RERE: variants seen among roughly 807,000 people sequenced by gnomAD.
RERE encodes arginine-glutamic acid dipeptide repeats protein.
Under a neutral mutation model 146.1 loss-of-function variants are expected in RERE, and 40 were observed. The ratio of observed to expected loss-of-function variants is 0.27; its 90% CI spans 0.21 to 0.36. RERE has a LOEUF of 0.36. Among genes scored for constraint, RERE ranks in the 10% least tolerant of loss-of-function variants. RERE has a pLI of 1.00. For missense variants in RERE, 1,933 were observed against 2,138.7 expected (o/e 0.90, Z 1.90); for synonymous variants, 1,003 against 866.0 (o/e 1.16, Z -2.78).
chr1:8,743,554 C>T (rs1640356700), intron 1 of RERE, among the ~76,000 whole-genome samples: 1 of 151,940 alleles, frequency 6.6e-6, no homozygotes, highest in African/African-American at 2.4e-5. Flanking sequence ...AACCACCGCA[C>T]CCAGCCACAC....
At chr1:8,437,668 A>G (rs1440158102) in intron 11 of RERE, among the ~76,000 whole-genome samples, 3 of 152,174 alleles carry the variant, frequency 2.0e-5, no homozygotes, top group Non-Finnish European at 4.4e-5. Context: ...GCATGAACAC[A>G]GCTGTGTGTA....
intron 1 of RERE, chr1:8,786,627 C>T (rs1641264187): frequency 1.3e-6 from 1 of 768,576 alleles, no homozygotes; most frequent in Non-Finnish European, 2.4e-6. Flanking sequence ...CCTTTCAGAC[C>T]TCTGGGCTCA....
At chr1:8,634,330 CAA>C (rs1278388011) in intron 2 of RERE, among the ~76,000 whole-genome samples, 1 of 152,204 alleles carries the variant, frequency 6.6e-6, no homozygotes, top group African/African-American at 2.4e-5. Context: ...TTTCTCCCCA[CAA>C]AATGAAGGAT....
At chr1:8,481,086 A>C (rs1570310968) in intron 10 of RERE, among the ~76,000 whole-genome samples, 1 of 152,208 alleles carries the variant, frequency 6.6e-6, no homozygotes, top group Non-Finnish European at 1.5e-5. Context: ...GATTGGCTAA[A>C]CAGCAAATCC....
chr1:8,484,607 G>C (rs978540119), intron 10 of RERE, among the ~76,000 whole-genome samples: 4 of 152,114 alleles, frequency 2.6e-5, no homozygotes, highest in African/African-American at 4.8e-5. Flanking sequence ...AATTTTAGTA[G>C]AGATGAGGTT....
At chr1:8,376,269 G>A (rs1457508138) in intron 12 of RERE, among the ~76,000 whole-genome samples, 1 of 152,166 alleles carries the variant, frequency 6.6e-6, no homozygotes, top group Non-Finnish European at 1.5e-5. Context: ...GACCTTCGCA[G>A]TTATGGCTGA....
rs185807846 is a variant in RERE, at chr1:8,516,069, C to G, written c.831-7394G>C. Among the ~76,000 whole-genome samples the G allele has an allele frequency of 3.7e-3, 558 of 151,260 alleles. 8 individuals are homozygous for G. Among genetic ancestry groups the G allele is most frequent in the Non-Finnish European group, 6.6e-4 (45 of 67,868 alleles). On this transcript the variant is annotated intron_variant, in intron 7 of 22. Coordinates refer to ENST00000400908, the MANE Select transcript of RERE (RefSeq NM_001042681.2). Reference sequence around the variant, plus strand: ...CCACCCCTAAAAATACAAAATTAGCCAAGCGTGGTAGTGGGTGCAGTAGTG... The same window carrying G: ...CCACCCCTAAAAATACAAAATTAGCGAAGCGTGGTAGTGGGTGCAGTAGTG...
intron 1 of RERE, among the ~76,000 whole-genome samples, chr1:8,734,939 A>G (rs1640168579): frequency 6.6e-6 from 1 of 152,154 alleles, no homozygotes; most frequent in African/African-American, 2.4e-5. Flanking sequence ...CGCATCCCTC[A>G]TAGACACACC....
intron 12 of RERE, among the ~76,000 whole-genome samples, chr1:8,393,017 T>C (rs1642937923): frequency 6.6e-6 from 1 of 152,148 alleles, no homozygotes; most frequent in South Asian, 2.1e-4. Flanking sequence ...AATACCATGA[T>C]GAAGTTTATC....
intron 6 of RERE, 76 bp downstream of exon 6, chr1:8,556,399 T>C: frequency 1.2e-6 from 1 of 857,948 alleles, no homozygotes; most frequent in East Asian, 2.4e-5. Context: ...TACTAAAAGA[T>C]CAGGAGAAAT....
intron 10 of RERE, among the ~76,000 whole-genome samples, chr1:8,470,562 T>G (rs889620311): frequency 1.2e-4 from 18 of 151,994 alleles, no homozygotes; most frequent in South Asian, 4.1e-4. Context: ...CCCAAAGAGA[T>G]ATTTCTTGAA....
chr1:8,482,111 C>T (rs1014872204), intron 10 of RERE, among the ~76,000 whole-genome samples: 22 of 152,104 alleles, frequency 1.4e-4, no homozygotes, highest in Admixed American at 5.9e-4. Flanking sequence ...TATATGATGC[C>T]ATTTATATGC....
At chr1:8,793,663 C>T (rs1231006278) in intron 1 of RERE, among the ~76,000 whole-genome samples, 4 of 152,202 alleles carry the variant, frequency 2.6e-5, no homozygotes, top group Non-Finnish European at 5.9e-5. Context: ...AACCAGATAA[C>T]TCTGAGTCAG....
intron 11 of RERE, among the ~76,000 whole-genome samples, chr1:8,437,782 G>A (rs1307165053): frequency 6.6e-6 from 1 of 152,196 alleles, no homozygotes; most frequent in Non-Finnish European, 1.5e-5. Context: ...GCATGCAGAG[G>A]GGAGTTTGAG....
chr1:8,358,931 G>C lies in RERE; in HGVS notation c.3619-15C>G, dbSNP rs758547641. ...CTGGACGCCTTCTGCAGAAGGAAAA[G>C]AAAGCGTGAGGGGTCCCCCGAGCGC... On this transcript the variant is annotated splice_polypyrimidine_tract_variant and intron_variant, in intron 19 of 22. Transcript: ENST00000400908. 13 of 1,510,584 alleles carry C rather than the reference G, an allele frequency of 8.6e-6. No individual in the cohort carries two copies. The South Asian group carries it at 1.7e-4, about 20-fold the overall frequency. The allele number at this position is 1,510,584 out of a possible 1,614,324, so 93.6% of individuals were successfully genotyped here.
At chr1:8,533,014 G>C (rs956214682) in intron 7 of RERE, among the ~76,000 whole-genome samples, 3 of 152,172 alleles carry the variant, frequency 2.0e-5, no homozygotes, top group African/African-American at 7.2e-5. Context: ...TTACAGGCAT[G>C]AACCACCAAA....
intron 12 of RERE, among the ~76,000 whole-genome samples, chr1:8,382,920 G>T (rs1642506844): frequency 6.6e-6 from 1 of 151,344 alleles, no homozygotes; most frequent in Admixed American, 6.6e-5. Context: ...GTAAGTGACA[G>T]GATTTTTTCT....
At chr1:8,650,702 T>G (rs1013722132) in intron 2 of RERE, among the ~76,000 whole-genome samples, 5 of 151,846 alleles carry the variant, frequency 3.3e-5, no homozygotes, top group African/African-American at 4.8e-5. Flanking sequence ...ATCGAGACCA[T>G]CCTAGCCAAC....
intron 7 of RERE, among the ~76,000 whole-genome samples, chr1:8,511,347 C>T (rs1347913652): frequency 6.6e-6 from 1 of 152,066 alleles, no homozygotes; most frequent in East Asian, 1.9e-4. Context: ...AATAAGGAAA[C>T]TTCTTAAAAG....
Sources: gnomAD v4.1 joint callset for allele counts (sites outside exome capture counted in the v4.1 genomes callset) on GRCh38, gnomAD v4.1.1 for gene constraint, MANE v1.5 for transcripts, NCBI Gene and HGNC (gene_info 2026-07-23, HGNC 2026-07-21) for gene names.